The following XRN1 variants were observed in gnomAD, a reference collection of about 807,000 sequenced individuals.
The protein encoded by XRN1 is strand-exchange protein 1 homolog.
XRN1 carries 67 observed loss-of-function variants against 222.3 expected under a neutral mutation model. That is an observed-to-expected ratio of 0.30 (90% CI 0.25 to 0.37). XRN1 has a LOEUF of 0.37. XRN1 is among the 10% of genes least tolerant of loss of function. The pLI is 1.00. For synonymous variants in XRN1, 643 were observed against 652.4 expected (o/e 0.99, Z 0.22); for missense variants, 1,707 against 2,000.2 (o/e 0.85, Z 2.80).
chr3:142,328,104 G>T (rs1259607231), intron 37 of XRN1, among the ~76,000 whole-genome samples: 2 of 152,006 alleles, frequency 1.3e-5, no homozygotes, highest in Non-Finnish European at 2.9e-5. Flanking sequence ...CTACATCTTG[G>T]CTATTGTGAC....
intron 13 of XRN1, 134 bp downstream of exon 13, chr3:142,417,006 G>T: frequency 1.8e-6 from 1 of 563,126 alleles, no homozygotes; most frequent in Non-Finnish European, 2.8e-6. Context: ...TCCAGCCTGG[G>T]CAACAGAGTG....
intron 19 of XRN1, among the ~76,000 whole-genome samples, chr3:142,399,915 AAATAT>A (rs1221292774): frequency 2.6e-5 from 4 of 151,954 alleles, no homozygotes; most frequent in African/African-American, 7.2e-5. Context: ...ATGAAAAATA[AAATAT>A]AAGAAATCAA....
At chr3:142,312,448 G>T in intron 40 of XRN1, 150 bp downstream of exon 40, 1 of 645,418 alleles carries the variant, frequency 1.5e-6, no homozygotes, top group Non-Finnish European at 2.4e-6. Context: ...AGCAGAGACA[G>T]GTCAGACTTG....
At chr3:142,347,483 T>TTCTG in intron 32 of XRN1, 141 bp from the exon 33 acceptor site, 1 of 512,874 alleles carries the variant, frequency 1.9e-6, no homozygotes, top group Non-Finnish European at 3.2e-6. Flanking sequence ...ATAGAGACTT[T>TTCTG]TAAAGCCACT....
intron 10 of XRN1, among the ~76,000 whole-genome samples, chr3:142,419,675 C>T (rs1235466434): frequency 4.6e-5 from 7 of 151,970 alleles, no homozygotes; most frequent in African/African-American, 1.4e-4. Flanking sequence ...TGGGTGGTGG[C>T]GCGCACCTCT....
intron 33 of XRN1, among the ~76,000 whole-genome samples, chr3:142,340,308 T>G (rs2065958222): frequency 6.6e-6 from 1 of 151,496 alleles, no homozygotes. Context: ...TGAGCTGAGA[T>G]TGCACCACTG....
intron 25 of XRN1, among the ~76,000 whole-genome samples, chr3:142,371,818 A>G (rs1387720260): frequency 1.3e-5 from 2 of 152,218 alleles, no homozygotes; most frequent in African/African-American, 2.4e-5. Context: ...TTAAAATGAC[A>G]ATATAGTATA....
intron 19 of XRN1, 135 bp from the exon 20 acceptor site, chr3:142,397,595 T>C: frequency 3.7e-6 from 2 of 545,830 alleles, no homozygotes; most frequent in East Asian, 3.4e-5. Context: ...GTAATGTAAA[T>C]TACAAAACTA....
chr3:142,422,871 C>T lies in XRN1; in HGVS notation c.762G>A (p.Met254Ile). 2 of 1,612,596 alleles carry T rather than the reference C, an allele frequency of 1.2e-6. No individual in the cohort carries two copies. Among genetic ancestry groups the T allele is most frequent in the Non-Finnish European group, 1.7e-6 (2 of 1,179,068 alleles). The change falls in exon 7 of 41, where the codon ATG becomes ATA. Residue 254 changes from methionine (M) to isoleucine (I), a missense_variant. Transcript: ENST00000392981. ...AAAACTCATAGTCAATATACTCTCT[C>T]ATTAAAGACAAGTGTAGAAGGTGAA... is the stretch of plus-strand genomic sequence containing the variant. The part of the protein sequence containing the change: ...TTFHLLHLSL[M>I]REYIDYEFSV...
At position 142,404,959 on chromosome 3, in the gene XRN1, A is replaced by G; in HGVS notation, c.1831T>C (p.Tyr611His). 1 of 1,614,076 alleles carries G rather than the reference A, an allele frequency of 6.2e-7. No homozygotes were observed. Among genetic ancestry groups the G allele is most frequent in the South Asian group, 1.1e-5 (1 of 91,070 alleles). ...AACTTTTCTGGCCATGGAGAAGGAT[A>G]GATAAACTCTGTGTCTCTATCATAC... ...CWYDRDTEFI[Y>H]PSPWPEKFPA... Residue 611 changes from tyrosine to histidine, a missense_variant, in exon 16 of 41, where the codon TAT becomes CAT. Coordinates refer to ENST00000392981, the MANE Select transcript of XRN1 (RefSeq NM_001282857.2).
chr3:142,352,050 A>G (rs1045101895), intron 32 of XRN1, among the ~76,000 whole-genome samples: 7 of 152,140 alleles, frequency 4.6e-5, no homozygotes, highest in African/African-American at 1.4e-4. Context: ...TTACAATGAT[A>G]TTATAAATCA....
At chr3:142,374,803 C>T (rs921992531) in intron 25 of XRN1, among the ~76,000 whole-genome samples, 1 of 152,148 alleles carries the variant, frequency 6.6e-6, no homozygotes, top group Non-Finnish European at 1.5e-5. Context: ...TGTCCTGCCC[C>T]ACTCAGAAGT....
At chr3:142,397,186 A>G in intron 20 of XRN1, 143 bp downstream of exon 20, 1 of 759,014 alleles carries the variant, frequency 1.3e-6, no homozygotes, top group Non-Finnish European at 1.9e-6. Flanking sequence ...ATTTTAAACT[A>G]GAACTCATTA....
intron 36 of XRN1, 71 bp downstream of exon 36, chr3:142,332,304 A>G: frequency 8.6e-7 from 1 of 1,161,840 alleles, no homozygotes; most frequent in Non-Finnish European, 1.2e-6. Flanking sequence ...TTAAAAGTAC[A>G]TGATTAAAAA....
intron 6 of XRN1, 137 bp downstream of exon 6, chr3:142,423,423 G>T: frequency 1.9e-6 from 1 of 516,454 alleles, no homozygotes; most frequent in Non-Finnish European, 3.2e-6. Context: ...AAAAACGTTT[G>T]TGCATCAAAG....
chr3:142,369,490 A>T (rs1577309285), intron 27 of XRN1, among the ~76,000 whole-genome samples: 3 of 151,526 alleles, frequency 2.0e-5, no homozygotes, highest in Admixed American at 2.0e-4. Context: ...CTACTAAAAA[A>T]TATAAAAATT....
Position 142,383,414 on chromosome 3 carries a change from C to T in XRN1, c.2503-1G>A. On this transcript the variant is annotated splice_acceptor_variant, in intron 21 of 40. Transcript: ENST00000392981. LOFTEE classifies it high-confidence loss of function. ...AACGGGAGTCGAAAGCTCGGATGTC[C>T]TACATAAAATAAAAGTAAATAATCT... 2 of 1,603,002 alleles carry T rather than the reference C, an allele frequency of 1.2e-6. No homozygotes were observed. The highest frequency in any genetic ancestry group is 1.7e-6 in the Non-Finnish European group (2 of 1,175,226).
chr3:142,425,261 T>C lies in XRN1; in HGVS notation c.588A>G (p.Pro196=). The C allele has an allele frequency of 1.2e-6, 2 of 1,606,032 alleles. No individual in the cohort carries two copies. The highest frequency in any genetic ancestry group is 1.7e-6 in the Non-Finnish European group (2 of 1,176,084). Residue 196 remains proline, a synonymous_variant, in exon 5 of 41, where the codon CCA becomes CCG. Transcript: ENST00000392981. The part of the protein sequence containing the change: ...RSEKAKPDHD[P]NTRHCLYGLD... ...AACCATAAAGACAGTGTCTGGTGTTTGGATCATGATCTGGCTTTGCTTTCT... is the reference window on the plus strand; with the variant it reads ...AACCATAAAGACAGTGTCTGGTGTTCGGATCATGATCTGGCTTTGCTTTCT...
In XRN1 at chr3:142,359,902, C is replaced by T. The variant is rs769457441; in HGVS notation, c.3424G>A (p.Val1142Ile). ...CCAGGAAATTCTTCATCAAATAATA[C>T]TTCAAATAGTACATCGGCTTCTCTA... ...ANREADVLFEVLFDEEFPGGL... is the reference protein window; with the variant it reads ...ANREADVLFEILFDEEFPGGL... The change falls in exon 30 of 41, where the codon GTA becomes ATA. Residue 1142 changes from valine to isoleucine, a missense_variant. Physicochemically the swap from Val to Ile is conservative, Grantham distance 29. Transcript: ENST00000392981. The T allele has an allele frequency of 4.4e-6, 7 of 1,605,172 alleles. No individual in the cohort carries two copies. In the African/African-American group the frequency reaches 8.0e-5, roughly 18 times the overall value.
Sources: gnomAD v4.1 joint callset for allele counts (sites outside exome capture counted in the v4.1 genomes callset) on GRCh38, gnomAD v4.1.1 for gene constraint, MANE v1.5 for transcripts, NCBI Gene and HGNC (gene_info 2026-07-23, HGNC 2026-07-21) for gene names.